PRICKLE2: variants seen among roughly 807,000 people sequenced by gnomAD.
PRICKLE2 encodes the protein prickle planar cell polarity protein 2, also known as prickle-like protein 2.
PRICKLE2 carries 21 observed loss-of-function variants against 81.4 expected under a neutral mutation model. The observed-to-expected ratio is 0.26, with a 90% CI of 0.18 to 0.37. The LOEUF (loss-of-function observed/expected upper bound fraction) is 0.37. Ranked by LOEUF, PRICKLE2 falls within the 10% of genes least tolerant of loss-of-function variation. The probability of loss-of-function intolerance (pLI) is 1.00; values close to 1 mark genes in which losing one functional copy is unlikely to be tolerated. For missense variants in PRICKLE2, 940 were observed against 1,109.0 expected (o/e 0.85, Z 2.16); for synonymous variants, 456 against 421.5 (o/e 1.08, Z -1.00).
chr3:64,137,724 G>C (rs1267406813), intron 7 of PRICKLE2, among the ~76,000 whole-genome samples: 3 of 152,110 alleles, frequency 2.0e-5, no homozygotes, highest in Non-Finnish European at 4.4e-5. Context: ...GGAAAGCAAA[G>C]CAGAAAAAGA....
At chr3:64,114,013 T>A (rs1347597208) in intron 7 of PRICKLE2, among the ~76,000 whole-genome samples, 3 of 152,118 alleles carry the variant, frequency 2.0e-5, no homozygotes, top group African/African-American at 4.8e-5. Flanking sequence ...TCCAGTGCAG[T>A]GGACTCCAAA....
chr3:64,121,143 G>C (rs1411522302), intron 7 of PRICKLE2, among the ~76,000 whole-genome samples: 1 of 152,148 alleles, frequency 6.6e-6, no homozygotes, highest in Non-Finnish European at 1.5e-5. Flanking sequence ...TACCTGGAGA[G>C]TCCTCCAGGG....
chr3:64,254,370 A>C (rs890749408), intron 2 of PRICKLE2, among the ~76,000 whole-genome samples: 1 of 152,172 alleles, frequency 6.6e-6, no homozygotes, highest in African/African-American at 2.4e-5. Context: ...AGCTTCTGGC[A>C]AGAGGTATTG....
intron 1 of PRICKLE2, among the ~76,000 whole-genome samples, chr3:64,223,599 C>G (rs538342341): frequency 9.2e-5 from 14 of 152,218 alleles, no homozygotes; most frequent in East Asian, 7.7e-4. Context: ...CTGAGATGCC[C>G]GATGGAGCCA....
chr3:64,183,564 A>C (rs530550978), intron 2 of PRICKLE2, among the ~76,000 whole-genome samples: 53 of 152,314 alleles, frequency 3.5e-4, no homozygotes, highest in Middle Eastern at 3.4e-3. Flanking sequence ...GAAAGATTTT[A>C]AGTTGCCTTC....
At chr3:64,263,920 T>C (rs901631566) in intron 2 of PRICKLE2, among the ~76,000 whole-genome samples, 2 of 152,048 alleles carry the variant, frequency 1.3e-5, no homozygotes, top group African/African-American at 2.4e-5. Context: ...CAGTGGATTG[T>C]CTAAATGGGG....
intron 7 of PRICKLE2, among the ~76,000 whole-genome samples, chr3:64,143,422 A>C (rs1420096781): frequency 1.3e-5 from 2 of 152,276 alleles, no homozygotes; most frequent in East Asian, 3.9e-4. Context: ...CTAGAAAATC[A>C]TGAGAGTAAA....
intron 1 of PRICKLE2, among the ~76,000 whole-genome samples, chr3:64,223,433 C>T (rs970019692): frequency 6.6e-6 from 1 of 152,228 alleles, no homozygotes; most frequent in Non-Finnish European, 1.5e-5. Flanking sequence ...TATCTAACCT[C>T]TAAGTTCCCT....
intron 7 of PRICKLE2, among the ~76,000 whole-genome samples, chr3:64,117,943 C>T (rs1445809782): frequency 6.6e-6 from 1 of 152,170 alleles, no homozygotes; most frequent in East Asian, 1.9e-4. Flanking sequence ...CATTTCCCAA[C>T]TTCAAACTAT....
At chr3:64,171,141 G>C (rs2077923665) in intron 2 of PRICKLE2, among the ~76,000 whole-genome samples, 1 of 152,080 alleles carries the variant, frequency 6.6e-6, no homozygotes, top group African/African-American at 2.4e-5. Flanking sequence ...TATTCCCCCA[G>C]ATATTTACAT....
chr3:64,250,985 C>G (rs1014633837), intron 2 of PRICKLE2, among the ~76,000 whole-genome samples: 6 of 152,218 alleles, frequency 3.9e-5, no homozygotes, highest in Non-Finnish European at 8.8e-5. Context: ...TAGTCACCAT[C>G]TGACATGCTA....
chr3:64,268,021 C>T (rs1417742680), intron 2 of PRICKLE2: 1 of 152,232 alleles, frequency 6.6e-6, no homozygotes, highest in Non-Finnish European at 1.5e-5. Context: ...CTAAGGAACC[C>T]AGCGGGGCGT....
intron 1 of PRICKLE2, among the ~76,000 whole-genome samples, chr3:64,213,595 C>T (rs1379390028): frequency 6.6e-6 from 1 of 152,158 alleles, no homozygotes; most frequent in Non-Finnish European, 1.5e-5. Context: ...GTGGTTACTA[C>T]TGAATGCTGG....
At chr3:64,195,026 C>T (rs116204501) in intron 2 of PRICKLE2, among the ~76,000 whole-genome samples, 2,433 of 152,116 alleles carry the variant, frequency 0.016, 56 homozygotes, top group African/African-American at 0.053. Flanking sequence ...TGGGTGGCAG[C>T]AAAACCCTGT....
intron 2 of PRICKLE2, among the ~76,000 whole-genome samples, chr3:64,238,380 C>T (rs747861047): frequency 6.6e-6 from 1 of 150,942 alleles, no homozygotes; most frequent in African/African-American, 2.4e-5. Flanking sequence ...CCCAGCTACT[C>T]GGGAGGCTGA....
At chr3:64,172,414 G>T (rs1307378027) in intron 2 of PRICKLE2, among the ~76,000 whole-genome samples, 2 of 152,208 alleles carry the variant, frequency 1.3e-5, no homozygotes, top group Non-Finnish European at 2.9e-5. Context: ...TTCTTATAGG[G>T]GTAACTTGTT....
Position 64,099,940 on chromosome 3 carries a change from A to G in PRICKLE2, c.1661-15T>C, listed in dbSNP as rs1330364882. 9 of 1,613,490 alleles carry G rather than the reference A, an allele frequency of 5.6e-6. No homozygotes were observed. In the East Asian group the frequency reaches 1.1e-4, roughly 20 times the overall value. ...AGCAGAGAGGCCTGGGGAAGAGAGG[A>G]GGGGACCACAGAGATTAATACAGAT... is the stretch of plus-strand genomic sequence containing the variant. On this transcript the variant is annotated splice_polypyrimidine_tract_variant and intron_variant, in intron 7 of 7. Transcript: ENST00000638394. This position sits in a 1 kb window ranked among gnomAD's most constrained non-coding sequence, Gnocchi z 4.3.
At chr3:64,186,582 C>A (rs989286206) in intron 2 of PRICKLE2, among the ~76,000 whole-genome samples, 1 of 152,188 alleles carries the variant, frequency 6.6e-6, no homozygotes, top group Non-Finnish European at 1.5e-5. Flanking sequence ...CATATAAAGA[C>A]TGGTGTTGGA....
chr3:64,171,006 T>C (rs1311837380), intron 2 of PRICKLE2, among the ~76,000 whole-genome samples: 1 of 152,180 alleles, frequency 6.6e-6, no homozygotes, highest in Non-Finnish European at 1.5e-5. Context: ...CCCCACTCCT[T>C]ACAACCTGGC....
Sources: allele counts gnomAD v4.1 joint callset (sites outside exome capture counted in the v4.1 genomes callset), GRCh38; gene constraint gnomAD v4.1.1; non-coding constraint Gnocchi (gnomAD v3.1); transcripts MANE v1.5; gene names NCBI Gene and HGNC (gene_info 2026-07-23, HGNC 2026-07-21).